STAT2: variants seen among roughly 807,000 people sequenced by gnomAD.
STAT2 encodes the protein interferon alpha induced transcriptional activator.
Under a neutral mutation model 122.3 loss-of-function variants are expected in STAT2, and 51 were observed. That is an observed-to-expected ratio of 0.42 (90% CI 0.33 to 0.53). The LOEUF is 0.53. Ranked by LOEUF, STAT2 falls within the 20% of genes least tolerant of loss-of-function variation. The pLI is 0.10. For missense variants in STAT2, 736 were observed against 1,010.3 expected, an observed-to-expected ratio of 0.73 and a Z score of 3.68; for synonymous variants, 351 against 394.9, an observed-to-expected ratio of 0.89 and a Z score of 1.32.
At chr12:56,344,297 C>A (rs1211981586) in intron 22 of STAT2, among the ~76,000 whole-genome samples, 162 bp from the exon 23 acceptor site, 1 of 152,132 alleles carries the variant, frequency 6.6e-6, no homozygotes. Flanking sequence ...GGCTGGGGGA[C>A]CTTAGGCAAG....
At chr12:56,350,073 G>A in intron 13 of STAT2, 24 bp downstream of exon 13, 1 of 1,577,054 alleles carries the variant, frequency 6.3e-7, no homozygotes, top group Non-Finnish European at 8.7e-7. Flanking sequence ...AGTAATAAAA[G>A]CATAGGTCAC....
At chr12:56,349,313 G>GT (rs1348491341) in intron 15 of STAT2, 52 bp from the exon 16 acceptor site, 19 of 1,614,068 alleles carry the variant, frequency 1.2e-5, no homozygotes, top group Non-Finnish European at 1.6e-5. Context: ...CTAGCTGCAG[G>GT]TATTTGTTAG....
chr12:56,359,090 A>G (rs57870697), intron 1 of STAT2, among the ~76,000 whole-genome samples: 6,942 of 152,282 alleles, frequency 0.046, 224 homozygotes, highest in Non-Finnish European at 0.068. Context: ...TTATTACAAA[A>G]TAAAGAGAAA....
intron 11 of STAT2, 59 bp from the exon 12 acceptor site, chr12:56,350,491 T>C: frequency 6.6e-7 from 1 of 1,518,924 alleles, no homozygotes; most frequent in South Asian, 1.3e-5. Flanking sequence ...GTTAGGAGTT[T>C]CGTCTTTGGG....
intron 6 of STAT2, 32 bp downstream of exon 6, chr12:56,355,244 A>G (rs368672255): frequency 5.6e-5 from 91 of 1,613,350 alleles, no homozygotes; most frequent in African/African-American, 8.0e-5. Flanking sequence ...GCAGGCACTT[A>G]TCTTTCTCCA....
chr12:56,346,105 A>T, intron 22 of STAT2, 41 bp downstream of exon 22: 7 of 1,612,934 alleles, frequency 4.3e-6, no homozygotes, highest in Non-Finnish European at 5.9e-6. Flanking sequence ...AAGCAGAGCC[A>T]AAAAGGATTA....
Position 56,343,335 on chromosome 12 carries a change from C to T in STAT2, c.*54G>A. 1 of 1,583,878 alleles carries T rather than the reference C, an allele frequency of 6.3e-7. No individual in the cohort carries two copies. The highest frequency in any genetic ancestry group is 8.6e-7 in the Non-Finnish European group (1 of 1,161,582). ...CCCATCCTTGGAGAACAATATCATGCTATGAGGAGTAGGAAGGGCAAGAGA... is the reference window on the plus strand; with the variant it reads ...CCCATCCTTGGAGAACAATATCATGTTATGAGGAGTAGGAAGGGCAAGAGA... On this transcript the variant is annotated 3_prime_UTR_variant, in exon 24 of 24. Transcript: ENST00000314128.
chr12:56,352,611 A>AATGC (rs141113285), intron 8 of STAT2, among the ~76,000 whole-genome samples: 3 of 150,708 alleles, frequency 2.0e-5, no homozygotes, highest in East Asian at 1.9e-4. Context: ...TCAATCAATC[A>AATGC]ATGCATGCAT....
Position 56,360,066 on chromosome 12 carries a change from G to C in STAT2, c.-16C>G, listed in dbSNP as rs1880151494. On this transcript the variant is annotated 5_prime_UTR_variant, in exon 1 of 24. Transcript: ENST00000314128. ...CCTCTCAGGGCCCGTACCTGATTAG[G>C]GTTGCAGTCCCCGCGCCCTCCAATG... is the stretch of plus-strand genomic sequence containing the variant. 1 of 985,152 alleles carries C rather than the reference G, an allele frequency of 1.0e-6. No homozygotes were observed. Among genetic ancestry groups the C allele is most frequent in the Admixed American group, 6.2e-5 (1 of 16,258 alleles). The allele number at this position is 985,152 out of a possible 1,614,324, so 61.0% of individuals were successfully genotyped here.
At position 56,343,902 on chromosome 12, in the gene STAT2, T is replaced by C. The variant is rs540878199; in HGVS notation, c.2336A>G (p.Gln779Arg). The C allele has an allele frequency of 3.7e-6, 6 of 1,614,142 alleles. No homozygotes were observed. The highest frequency in any genetic ancestry group is 5.1e-6 in the Non-Finnish European group (6 of 1,180,010). Residue 779 changes from glutamine to arginine, a missense_variant, in exon 23 of 24, where the codon CAA becomes CGA. Coordinates refer to ENST00000314128, the MANE Select transcript of STAT2 (RefSeq NM_005419.4). ...MVSQTVPEPD[Q>R]GPVSQPVPEP... ...TGGCACTGGCTGTGATACAGGTCCTTGGTCTGGCTCTGGCACTGTTTGTGA... is the reference window on the plus strand; with the variant it reads ...TGGCACTGGCTGTGATACAGGTCCTCGGTCTGGCTCTGGCACTGTTTGTGA...
At chr12:56,358,500 C>T (rs1377172907) in intron 1 of STAT2, among the ~76,000 whole-genome samples, 1 of 152,176 alleles carries the variant, frequency 6.6e-6, no homozygotes, top group African/African-American at 2.4e-5. Context: ...CCCACCTTGG[C>T]CTCCCAAAGT....
At chr12:56,358,886 A>AG (rs1879938623) in intron 1 of STAT2, among the ~76,000 whole-genome samples, 1 of 152,034 alleles carries the variant, frequency 6.6e-6, no homozygotes, top group Non-Finnish European at 1.5e-5. Flanking sequence ...ACAAAGCAAG[A>AG]CTCTGTCTCA....
chr12:56,351,342 C>T lies in STAT2; in HGVS notation c.891G>A (p.Val297=), dbSNP rs1345530719. Residue 297 remains valine (V), a synonymous_variant, in exon 9 of 24, where the codon GTG becomes GTA. Coordinates refer to ENST00000314128, the MANE Select transcript of STAT2 (RefSeq NM_005419.4). The stretch of plus-strand genomic sequence containing the variant: ...CTGTGACCTGGGCGTTGCGTAGGTC[C>T]ACCCCTTTGGTCAGAGGGTCATCCT... The part of the protein sequence containing the change: ...SYQDDPLTKG[V]DLRNAQVTEL... 6.2e-7 allele frequency: 1 copy of T among 1,613,998 alleles called. No homozygotes were observed. The highest frequency in any genetic ancestry group is 8.5e-7 in the Non-Finnish European group (1 of 1,180,022).
intron 6 of STAT2, 137 bp from the exon 7 acceptor site, chr12:56,355,000 C>T (rs1879286959): frequency 1.1e-6 from 1 of 917,522 alleles, no homozygotes; most frequent in Non-Finnish European, 1.7e-6. Context: ...CTGTGGGACC[C>T]TCAGGCAAAT....
At chr12:56,345,984 C>T (rs760250276) in intron 22 of STAT2, among the ~76,000 whole-genome samples, 162 bp downstream of exon 22, 4 of 151,968 alleles carry the variant, frequency 2.6e-5, no homozygotes, top group South Asian at 2.1e-4. Flanking sequence ...AATAGGGCAG[C>T]TTAGGAGAAG....
rs146790162 is a variant in STAT2 at position 56,352,087 on chromosome 12, C to T, written c.783-637G>A. ...TATATATATATATTTTTAGTAGAGACGGGGTTTTGCCATGTTGGCCAAGCT... is the reference window on the plus strand; with the variant it reads ...TATATATATATATTTTTAGTAGAGATGGGGTTTTGCCATGTTGGCCAAGCT... On this transcript the variant is annotated intron_variant, in intron 8 of 23. Coordinates refer to ENST00000314128, the MANE Select transcript of STAT2 (RefSeq NM_005419.4). 7.3e-4 allele frequency among the ~76,000 whole-genome samples: 111 copies of T among 151,948 alleles called. 1 individual carries two copies. In the East Asian group the frequency reaches 0.014, roughly 19 times the overall value.
chr12:56,355,941 C>A, intron 3 of STAT2, 138 bp from the exon 4 acceptor site: 1 of 1,203,126 alleles, frequency 8.3e-7, no homozygotes. Flanking sequence ...ACCATAGCAT[C>A]CTCCCAACAG....
Position 56,355,460 on chromosome 12 carries a change from A to C in STAT2, c.454T>G (p.Leu152Val). ...CTACTAACCTCCATCATAGCCCTTAAATCCAGGATCCGGGATTCAATCTCA... is the reference window on the plus strand; with the variant it reads ...CTACTAACCTCCATCATAGCCCTTACATCCAGGATCCGGGATTCAATCTCA... ...QHEIESRILD[L>V]RAMMEKLVKS... The change falls in exon 5 of 24, where the codon TTA becomes GTA. Residue 152 changes from leucine to valine, a missense_variant. Coordinates refer to ENST00000314128, the MANE Select transcript of STAT2 (RefSeq NM_005419.4). The C allele has an allele frequency of 6.2e-7, 1 of 1,614,130 alleles. No individual in the cohort carries two copies. Among genetic ancestry groups the C allele is most frequent in the African/African-American group, 1.3e-5 (1 of 75,026 alleles).
intron 21 of STAT2, 92 bp from the exon 22 acceptor site, chr12:56,346,295 T>A: frequency 6.4e-7 from 1 of 1,569,498 alleles, no homozygotes; most frequent in South Asian, 1.1e-5. Context: ...GGCAGTCTCA[T>A]CCCCATAGTA....
Sources: gnomAD v4.1 joint callset for allele counts (sites outside exome capture counted in the v4.1 genomes callset) on GRCh38, gnomAD v4.1.1 for gene constraint, MANE v1.5 for transcripts, NCBI Gene and HGNC (gene_info 2026-07-23, HGNC 2026-07-21) for gene names.